The following SUPT3H variants were observed in gnomAD, a reference collection of about 807,000 sequenced individuals.
SUPT3H encodes SPT3 homolog, SAGA and STAGA complex component, also known as transcription initiation protein SPT3 homolog.
Under a neutral mutation model 44.3 loss-of-function variants are expected in SUPT3H, and 44 were observed. The observed-to-expected ratio is 0.99, with a 90% CI of 0.78 to 1.28. The LOEUF (loss-of-function observed/expected upper bound fraction) is 1.28, where lower values mean the gene tolerates loss of function less well. SUPT3H is among the 50% of genes most tolerant of loss of function. The probability of loss-of-function intolerance (pLI) is 0.00; values close to 1 mark genes in which losing one functional copy is unlikely to be tolerated. For synonymous variants in SUPT3H, 124 were observed against 125.6 expected (o/e 0.99, Z 0.09); for missense variants, 380 against 387.1 (o/e 0.98, Z 0.15).
In SUPT3H at chr6:45,084,332, G is replaced by A. The variant is rs182176725; in HGVS notation, c.186+21590C>T. Among the ~76,000 whole-genome samples the A allele has an allele frequency of 6.9e-4, 105 of 152,126 alleles. 2 individuals carry two copies. In the East Asian group the frequency reaches 0.018, roughly 27 times the overall value. On this transcript the variant is annotated intron_variant, in intron 3 of 10. Coordinates refer to ENST00000371459, the MANE Select transcript of SUPT3H (RefSeq NM_003599.4). ...TGATCCCATTAAAAAGTGGGCAAAG[G>A]ACATGAACAGACACTTCTGAAAAGA... is the stretch of plus-strand genomic sequence containing the variant.
At chr6:44,832,386 T>G (rs777092473) in intron 10 of SUPT3H, among the ~76,000 whole-genome samples, 10 of 152,156 alleles carry the variant, frequency 6.6e-5, no homozygotes, top group Non-Finnish European at 1.2e-4. Context: ...TGTATCTATC[T>G]TTACAGACAC....
At chr6:45,204,441 G>A (rs959212691) in intron 2 of SUPT3H, among the ~76,000 whole-genome samples, 10 of 152,058 alleles carry the variant, frequency 6.6e-5, no homozygotes, top group South Asian at 2.1e-4. Flanking sequence ...CCAAATACTG[G>A]ATCTACGAGG....
At chr6:44,916,847 T>C (rs1767885243) in intron 10 of SUPT3H, among the ~76,000 whole-genome samples, 1 of 152,084 alleles carries the variant, frequency 6.6e-6, no homozygotes, top group Non-Finnish European at 1.5e-5. Flanking sequence ...AGTTGCTAAT[T>C]TGGGGGCTAG....
intron 3 of SUPT3H, among the ~76,000 whole-genome samples, chr6:45,065,706 C>G (rs1314247078): frequency 1.3e-5 from 2 of 151,124 alleles, no homozygotes; most frequent in Admixed American, 1.3e-4. Flanking sequence ...ACTAGAAAAT[C>G]TAGAAGAAAT....
chr6:45,238,227 T>G (rs916569087), intron 2 of SUPT3H, among the ~76,000 whole-genome samples: 1 of 152,224 alleles, frequency 6.6e-6, no homozygotes, highest in African/African-American at 2.4e-5. Context: ...TATGATCACT[T>G]GCAAAATTCG....
chr6:45,271,359 C>T (rs540643394), intron 2 of SUPT3H, among the ~76,000 whole-genome samples: 48 of 152,266 alleles, frequency 3.2e-4, no homozygotes, highest in African/African-American at 7.9e-4. Context: ...CCAGGGTCCC[C>T]GCGGTGTGTG....
At chr6:44,831,554 C>T (rs1384342685) in intron 10 of SUPT3H, among the ~76,000 whole-genome samples, 1 of 152,178 alleles carries the variant, frequency 6.6e-6, no homozygotes, top group Non-Finnish European at 1.5e-5. Flanking sequence ...AAGTAATACT[C>T]TTAGCTTCTT....
At chr6:44,928,882 C>CAAAATAAAAAAAATAAAA (rs1491206167) in intron 10 of SUPT3H, among the ~76,000 whole-genome samples, 4 of 20,644 alleles carry the variant, frequency 1.9e-4, no homozygotes, top group African/African-American at 1.3e-3. Flanking sequence ...GACTCCGTCT[C>CAAAATAAAAAAAATAAAA]AAAAAAAAAA....
intron 9 of SUPT3H, among the ~76,000 whole-genome samples, chr6:44,952,967 T>C (rs898177452): frequency 6.6e-6 from 1 of 152,206 alleles, no homozygotes; most frequent in African/African-American, 2.4e-5. Flanking sequence ...CTCTTATCTT[T>C]TGAAGCACAA....
At chr6:44,980,432 TG>T (rs1778941932) in intron 6 of SUPT3H, among the ~76,000 whole-genome samples, 1 of 152,154 alleles carries the variant, frequency 6.6e-6, no homozygotes, top group Non-Finnish European at 1.5e-5. Flanking sequence ...TGATGTTACG[TG>T]AGGGCTTATT....
chr6:45,106,968 A>G (rs957353631), intron 2 of SUPT3H, among the ~76,000 whole-genome samples: 1 of 152,244 alleles, frequency 6.6e-6, no homozygotes, highest in Non-Finnish European at 1.5e-5. Flanking sequence ...AGAAAGGTAT[A>G]AAAGTGTATG....
chr6:45,044,990 CA>C (rs2060426760), intron 3 of SUPT3H, among the ~76,000 whole-genome samples: 1 of 152,108 alleles, frequency 6.6e-6, no homozygotes, highest in Non-Finnish European at 1.5e-5. Context: ...TTCTCAATTT[CA>C]TATTGTGGAT....
At position 44,829,685 on chromosome 6, in the gene SUPT3H, G is replaced by A. The variant is rs1306790580; in HGVS notation, c.*131C>T. 4 of 997,330 alleles carry A rather than the reference G, an allele frequency of 4.0e-6. No homozygotes were observed. Among genetic ancestry groups the A allele is most frequent in the African/African-American group, 1.6e-5 (1 of 60,982 alleles). 61.8% of individuals were successfully genotyped at this position (997,330 alleles called of 1,614,324 possible). A position where few individuals can be genotyped will look rare whatever the true frequency, so the allele number is the denominator to read the frequency against. On this transcript the variant is annotated 3_prime_UTR_variant, in exon 11 of 11. Coordinates refer to ENST00000371459, the MANE Select transcript of SUPT3H (RefSeq NM_003599.4). ...GGAAAAGAGGAGGAGTCAGCAAGTT[G>A]AAAGTCACAACAGACCAGCCCACTC...
chr6:44,849,528 T>C (rs985811885), intron 10 of SUPT3H, among the ~76,000 whole-genome samples: 13 of 152,156 alleles, frequency 8.5e-5, no homozygotes, highest in African/African-American at 2.4e-4. Flanking sequence ...CGCCCGGCCA[T>C]GAATACTAAT....
chr6:45,050,220 C>G (rs1025031046), intron 3 of SUPT3H, among the ~76,000 whole-genome samples: 1 of 151,936 alleles, frequency 6.6e-6, no homozygotes, highest in South Asian at 2.1e-4. Context: ...ACAGGATACT[C>G]AGAGCCACCT....
Position 44,829,328 on chromosome 6 carries a change from A to AAAAT in SUPT3H, c.*484_*487dup, listed in dbSNP as rs1398605585. On this transcript the variant is annotated 3_prime_UTR_variant, in exon 11 of 11. Transcript: ENST00000371459. ...AGATCTTTGATTACTGTAAGTTTATAAAATGGATAGCTGTCACTAAAACAC... is the reference window on the plus strand; with the variant it reads ...AGATCTTTGATTACTGTAAGTTTATAAAATAAATGGATAGCTGTCACTAAAACAC... 1 of 152,878 alleles carries AAAAT rather than the reference A, an allele frequency of 6.5e-6. No homozygotes were observed. Among genetic ancestry groups the AAAAT allele is most frequent in the African/African-American group, 2.4e-5 (1 of 41,456 alleles). The allele number at this position is 152,878 out of a possible 1,614,324, so 9.5% of individuals were successfully genotyped here. A position where few individuals can be genotyped will look rare whatever the true frequency, so the allele number is the denominator to read the frequency against.
intron 3 of SUPT3H, among the ~76,000 whole-genome samples, chr6:45,079,910 C>T (rs893609988): frequency 5.3e-5 from 8 of 152,120 alleles, no homozygotes; most frequent in African/African-American, 1.4e-4. Flanking sequence ...TTGAGTAATA[C>T]CCCACCAGCA....
At chr6:45,288,565 GTATA>G (rs59842389) in intron 2 of SUPT3H, among the ~76,000 whole-genome samples, 2 of 95,496 alleles carry the variant, frequency 2.1e-5, no homozygotes, top group Non-Finnish European at 4.5e-5. Context: ...ATATATATAT[GTATA>G]TATATATATA....
intron 10 of SUPT3H, among the ~76,000 whole-genome samples, chr6:44,920,727 C>T (rs500773): frequency 0.61 from 92,146 of 151,992 alleles, 28,893 homozygotes; most frequent in African/African-American, 0.78. Flanking sequence ...TAAACTGGCT[C>T]GCAATTAAAA....
Sources: allele counts gnomAD v4.1 joint callset (sites outside exome capture counted in the v4.1 genomes callset), GRCh38; gene constraint gnomAD v4.1.1; transcripts MANE v1.5; gene names NCBI Gene and HGNC (gene_info 2026-07-23, HGNC 2026-07-21).